Variants in ASB5 observed in about 807,000 individuals in gnomAD.
The protein encoded by ASB5 is ankyrin repeat and SOCS box containing 5, also known as ankyrin repeat and SOCS box protein 5.
A neutral mutation model predicts 42.1 loss-of-function variants in ASB5; 45 were observed. That is an observed-to-expected ratio of 1.07 (90% CI 0.84 to 1.37). The LOEUF (loss-of-function observed/expected upper bound fraction) is 1.37, where lower values mean the gene tolerates loss of function less well. ASB5 is among the 40% of genes most tolerant of loss of function. The pLI is 0.00. For missense variants in ASB5, 402 were observed against 399.8 expected, an observed-to-expected ratio of 1.01 and a Z score of -0.05; for synonymous variants, 147 against 150.6, an observed-to-expected ratio of 0.98 and a Z score of 0.18.
intron 2 of ASB5, 25 bp from the exon 3 acceptor site, chr4:176,222,445 G>T: frequency 2.5e-6 from 4 of 1,569,102 alleles, no homozygotes; most frequent in Non-Finnish European, 3.5e-6. Flanking sequence ...ATTTTGAAAG[G>T]TGAGCAAAGA....
chr4:176,252,619 A>G (rs139688433), intron 1 of ASB5, among the ~76,000 whole-genome samples: 16 of 152,352 alleles, frequency 1.1e-4, no homozygotes, highest in African/African-American at 3.6e-4. Flanking sequence ...AGATGGGGAA[A>G]AAGCCACACG....
At chr4:176,243,156 AT>A (rs1300841512) in intron 1 of ASB5, among the ~76,000 whole-genome samples, 1 of 152,170 alleles carries the variant, frequency 6.6e-6, no homozygotes, top group Non-Finnish European at 1.5e-5. Flanking sequence ...GGACTTTATA[AT>A]ATTAGTCATT....
In ASB5 at chr4:176,265,841, T is replaced by C. The variant is rs138018337; in HGVS notation, c.196+3072A>G. ...AGACTAGGCCTCTGATACATAAAGA[T>C]TGTAATCAGGACACTTAGCAGGAAG... On this transcript the variant is annotated intron_variant, in intron 1 of 6. Transcript: ENST00000296525. Among the ~76,000 whole-genome samples the C allele has an allele frequency of 7.7e-3, 1,176 of 152,240 alleles. 10 individuals are homozygous for C. Among genetic ancestry groups the C allele is most frequent in the Non-Finnish European group, 0.013 (884 of 68,000 alleles).
At chr4:176,254,998 C>T (rs548106050) in intron 1 of ASB5, among the ~76,000 whole-genome samples, 11 of 152,214 alleles carry the variant, frequency 7.2e-5, no homozygotes, top group East Asian at 3.9e-4. Flanking sequence ...GGCATGGTGG[C>T]GCGTGCCTGT....
intron 1 of ASB5, among the ~76,000 whole-genome samples, chr4:176,262,172 T>G (rs1754278046): frequency 6.6e-6 from 1 of 152,178 alleles, no homozygotes; most frequent in Non-Finnish European, 1.5e-5. Context: ...TAGTTTTCAT[T>G]CCTTTTCTAT....
chr4:176,261,359 G>T (rs569723043), intron 1 of ASB5, among the ~76,000 whole-genome samples: 1 of 152,078 alleles, frequency 6.6e-6, no homozygotes, highest in Non-Finnish European at 1.5e-5. Context: ...ATTAGCTAGC[G>T]ACCCTTTTTC....
chr4:176,251,445 C>T lies in ASB5; in HGVS notation c.196+17468G>A. 3.1e-5 allele frequency among the ~76,000 whole-genome samples: 2 copies of T among 64,390 alleles called. 1 individual carries two copies. The highest frequency in any genetic ancestry group is 7.5e-5 in the Non-Finnish European group (2 of 26,642). The allele number at this position is 64,390 out of a possible 152,430, so 42.2% of individuals were successfully genotyped here. A position where few individuals can be genotyped will look rare whatever the true frequency, so the allele number is the denominator to read the frequency against. The stretch of plus-strand genomic sequence containing the variant: ...GGCGTAGTGGCGGGCGCCTGTAGTC[C>T]CAGCTACTTGGGAGGCTGAGGCAGG... On this transcript the variant is annotated intron_variant, in intron 1 of 6. Coordinates refer to ENST00000296525, the MANE Select transcript of ASB5 (RefSeq NM_080874.4).
intron 2 of ASB5, among the ~76,000 whole-genome samples, chr4:176,224,952 T>G (rs1283004247): frequency 6.6e-6 from 1 of 152,260 alleles, no homozygotes; most frequent in African/African-American, 2.4e-5. Context: ...GCACATATTG[T>G]GCAGAGTTAA....
intron 1 of ASB5, among the ~76,000 whole-genome samples, chr4:176,251,012 A>C (rs1754021382): frequency 6.6e-6 from 1 of 152,138 alleles, no homozygotes; most frequent in African/African-American, 2.4e-5. Flanking sequence ...CATACAAGGA[A>C]TAAAATCAAC....
intron 5 of ASB5, among the ~76,000 whole-genome samples, chr4:176,219,421 G>T (rs868358746): frequency 1.7e-4 from 10 of 59,632 alleles, no homozygotes; most frequent in South Asian, 5.3e-4. Flanking sequence ...ATATATATAT[G>T]TATGATATAT....
At chr4:176,234,150 T>A (rs190023750) in intron 1 of ASB5, among the ~76,000 whole-genome samples, 1 of 152,350 alleles carries the variant, frequency 6.6e-6, no homozygotes, top group African/African-American at 2.4e-5. Flanking sequence ...CTTCCAGTAG[T>A]CTGTACTAAA....
upstream of ASB5, among the ~76,000 whole-genome samples, chr4:176,271,003 A>G (rs1754459792): frequency 6.6e-6 from 1 of 152,192 alleles, no homozygotes; most frequent in African/African-American, 2.4e-5. Context: ...CGCATGAGCT[A>G]ATCAGGAGCC....
chr4:176,221,036 A>G (rs907657532), intron 5 of ASB5, 119 bp downstream of exon 5: 13 of 1,266,410 alleles, frequency 1.0e-5, no homozygotes, highest in African/African-American at 1.5e-5. Flanking sequence ...ATGTGTGAAA[A>G]TGCTTAAAAT....
chr4:176,218,168 GATATATAA>G (rs71597431), intron 5 of ASB5, among the ~76,000 whole-genome samples: 1,019 of 92,468 alleles, frequency 0.011, 83 homozygotes, highest in Non-Finnish European at 0.019. Context: ...ACATTTGTAT[GATATATAA>G]ATATATATAT....
In ASB5 at chr4:176,225,305, G is replaced by C. The variant is rs548051834; in HGVS notation, c.233C>G (p.Ala78Gly). The change falls in exon 2 of 7, where the codon GCA becomes GGA. Residue 78 changes from alanine (A) to glycine (G), a missense_variant. Ala to Gly is a moderately conservative substitution (Grantham distance 60). Coordinates refer to ENST00000296525, the MANE Select transcript of ASB5 (RefSeq NM_080874.4). ...CAGAGCAAGAAGGCGACCTTGACTTGCTGCTTCATGTAGTGGTGATCGATC... is the reference window on the plus strand; with the variant it reads ...CAGAGCAAGAAGGCGACCTTGACTTCCTGCTTCATGTAGTGGTGATCGATC... ...WADRSPLHEA[A>G]SQGRLLALRT... The C allele has an allele frequency of 6.2e-7, 1 of 1,613,876 alleles. No homozygotes were observed. The highest frequency in any genetic ancestry group is 1.3e-5 in the African/African-American group (1 of 74,886).
At chr4:176,239,084 A>G (rs2126961520) in intron 1 of ASB5, among the ~76,000 whole-genome samples, 1 of 152,320 alleles carries the variant, frequency 6.6e-6, no homozygotes, top group Admixed American at 6.5e-5. Flanking sequence ...ACTGAAACTC[A>G]GAGCCAGCTT....
chr4:176,221,019 T>G (rs1389902685), intron 5 of ASB5, 136 bp downstream of exon 5: 2 of 1,125,198 alleles, frequency 1.8e-6, no homozygotes, highest in East Asian at 2.7e-5. Flanking sequence ...TTATTGGTTC[T>G]CTATTCATGT....
At chr4:176,265,328 C>T (rs1176806268) in intron 1 of ASB5, among the ~76,000 whole-genome samples, 1 of 152,282 alleles carries the variant, frequency 6.6e-6, no homozygotes, top group East Asian at 1.9e-4. Context: ...TTGAAGGTAT[C>T]TCTGAAAGTA....
chr4:176,275,285 T>C (rs1359797694), intron 2 of ASB5, among the ~76,000 whole-genome samples: 1 of 152,030 alleles, frequency 6.6e-6, no homozygotes, highest in Non-Finnish European at 1.5e-5. Context: ...TGAGGTAAAA[T>C]ATATGATTTA....
Sources: gnomAD v4.1 joint callset for allele counts (sites outside exome capture counted in the v4.1 genomes callset) on GRCh38, gnomAD v4.1.1 for gene constraint, MANE v1.5 for transcripts, NCBI Gene and HGNC (gene_info 2026-07-23, HGNC 2026-07-21) for gene names.